The following RBFOX1 variants were observed in gnomAD, a reference collection of about 807,000 sequenced individuals.
RBFOX1 encodes the protein RNA binding fox-1 homolog 1, also known as RNA binding protein fox-1 homolog 1.
RBFOX1 carries 8 observed loss-of-function variants against 57.7 expected under a neutral mutation model. That is an observed-to-expected ratio of 0.14 (90% CI 0.08 to 0.25). The LOEUF (loss-of-function observed/expected upper bound fraction) is 0.25, where lower values mean the gene tolerates loss of function less well. RBFOX1 is among the 10% of genes least tolerant of loss of function. The pLI is 1.00. For synonymous variants in RBFOX1, 326 were observed against 222.4 expected (o/e 1.47, Z -4.15); for missense variants, 611 against 548.5 (o/e 1.11, Z -1.14).
At chr16:7,430,882 G>T (rs1275829261) in intron 4 of RBFOX1, among the ~76,000 whole-genome samples, 1 of 152,200 alleles carries the variant, frequency 6.6e-6, no homozygotes, top group Non-Finnish European at 1.5e-5. Flanking sequence ...TAAATAACGT[G>T]TATGATGTGA....
At chr16:5,525,905 G>A (rs919942682) in intron 2 of RBFOX1, among the ~76,000 whole-genome samples, 5 of 151,988 alleles carry the variant, frequency 3.3e-5, no homozygotes, top group South Asian at 2.1e-4. Context: ...TAAAAACATC[G>A]AAGGCTAGTG....
At chr16:6,788,547 C>T (rs954708580) in intron 3 of RBFOX1, among the ~76,000 whole-genome samples, 3 of 151,958 alleles carry the variant, frequency 2.0e-5, no homozygotes, top group South Asian at 2.1e-4. Context: ...GTGATCTCGG[C>T]TCACTGCAAG....
intron 2 of RBFOX1, among the ~76,000 whole-genome samples, chr16:6,478,429 A>ATACATATATATATATTTTTT (rs1159954387): frequency 4.1e-5 from 1 of 24,634 alleles, no homozygotes; most frequent in African/African-American, 1.3e-4. Flanking sequence ...ATATATATAT[A>ATACATATATATATATTTTTT]TTTTTTTTTT....
intron 4 of RBFOX1, among the ~76,000 whole-genome samples, chr16:7,417,189 G>A (rs2098486362): frequency 1.3e-5 from 2 of 151,908 alleles, no homozygotes; most frequent in Admixed American, 1.3e-4. Context: ...GGCCAACATG[G>A]TGAAACCCCA....
chr16:6,512,635 C>A (rs1255057297), intron 2 of RBFOX1, among the ~76,000 whole-genome samples: 1 of 152,150 alleles, frequency 6.6e-6, no homozygotes, highest in Non-Finnish European at 1.5e-5. Flanking sequence ...CCAGAGTTCT[C>A]CCAAGAAAAT....
intron 1 of RBFOX1, among the ~76,000 whole-genome samples, chr16:5,264,351 G>C (rs1265357070): frequency 6.6e-6 from 1 of 152,206 alleles, no homozygotes; most frequent in Non-Finnish European, 1.5e-5. Flanking sequence ...CCCTGGCCCT[G>C]CTAAGGAGAC....
intron 4 of RBFOX1, among the ~76,000 whole-genome samples, chr16:7,384,488 A>T (rs1325852549): frequency 6.6e-6 from 1 of 152,172 alleles, no homozygotes; most frequent in African/African-American, 2.4e-5. Flanking sequence ...TTTCATGCCA[A>T]ACATAGCTGA....
chr16:6,542,575 C>G (rs888327001), intron 2 of RBFOX1, among the ~76,000 whole-genome samples: 2 of 142,538 alleles, frequency 1.4e-5, no homozygotes, highest in African/African-American at 5.2e-5. Flanking sequence ...CTGCAAGCTC[C>G]GCCTCCTGGG....
At chr16:6,218,294 TTTA>T (rs1286460779) in intron 1 of RBFOX1, among the ~76,000 whole-genome samples, 7 of 151,920 alleles carry the variant, frequency 4.6e-5, no homozygotes, top group Non-Finnish European at 7.4e-5. Flanking sequence ...TATTTATTTA[TTTA>T]TTTATTTACT....
intron 4 of RBFOX1, among the ~76,000 whole-genome samples, chr16:7,369,646 A>G (rs964258279): frequency 1.3e-5 from 2 of 152,150 alleles, no homozygotes; most frequent in Non-Finnish European, 2.9e-5. Flanking sequence ...AACTGTAACA[A>G]TTGTTTGAAG....
intron 3 of RBFOX1, among the ~76,000 whole-genome samples, chr16:6,919,444 T>C (rs1462943916): frequency 3.4e-5 from 4 of 118,342 alleles, no homozygotes; most frequent in African/African-American, 6.3e-5. Flanking sequence ...AACTGGAACA[T>C]AGAGGGTTTT....
At chr16:5,926,473 G>C (rs2058943529) in intron 4 of RBFOX1, among the ~76,000 whole-genome samples, 1 of 152,162 alleles carries the variant, frequency 6.6e-6, no homozygotes. Flanking sequence ...AGGGATGCCA[G>C]AAGTCCTGCA....
chr16:7,497,706 C>T (rs192741833), intron 4 of RBFOX1, among the ~76,000 whole-genome samples: 2 of 152,208 alleles, frequency 1.3e-5, no homozygotes, highest in African/African-American at 4.8e-5. Context: ...GCAAGATATC[C>T]TTCCATGTGT....
chr16:6,016,641 A>T (rs1018951920), upstream of RBFOX1, among the ~76,000 whole-genome samples: 1 of 152,182 alleles, frequency 6.6e-6, no homozygotes, highest in African/African-American at 2.4e-5. Flanking sequence ...CATTTTTGAC[A>T]TTTGCTTAGA....
At chr16:6,917,948 G>A (rs1464569486) in intron 3 of RBFOX1, among the ~76,000 whole-genome samples, 1 of 152,166 alleles carries the variant, frequency 6.6e-6, no homozygotes, top group African/African-American at 2.4e-5. Flanking sequence ...CTCAACCTAA[G>A]TCTCAGGGTA....
chr16:5,614,189 G>A (rs2047933658), intron 3 of RBFOX1, among the ~76,000 whole-genome samples: 1 of 152,154 alleles, frequency 6.6e-6, no homozygotes, highest in South Asian at 2.1e-4. Flanking sequence ...GTCACGTACA[G>A]CCTGAGCCTG....
At chr16:5,912,494 C>A (rs1460803845) in intron 4 of RBFOX1, among the ~76,000 whole-genome samples, 2 of 152,234 alleles carry the variant, frequency 1.3e-5, no homozygotes, top group Middle Eastern at 6.8e-3. Flanking sequence ...CACTCCAGTC[C>A]CACTACATCA....
intron 1 of RBFOX1, among the ~76,000 whole-genome samples, chr16:5,432,634 G>C (rs1442390210): frequency 1.4e-5 from 2 of 137,948 alleles, no homozygotes; most frequent in Admixed American, 1.6e-4. Context: ...AAATCACTTC[G>C]CTTTTTTCTG....
chr16:6,763,106 C>T (rs773947165), intron 3 of RBFOX1, among the ~76,000 whole-genome samples: 1 of 152,172 alleles, frequency 6.6e-6, no homozygotes, highest in Admixed American at 6.5e-5. Context: ...AAATGTCAGA[C>T]CACTGTCTCC....
Sources: allele counts gnomAD v4.1 joint callset (sites outside exome capture counted in the v4.1 genomes callset), GRCh38; gene constraint gnomAD v4.1.1; transcripts MANE v1.5; gene names NCBI Gene and HGNC (gene_info 2026-07-23, HGNC 2026-07-21).